The following CAMK1D variants were observed in gnomAD, a reference collection of about 807,000 sequenced individuals.
CAMK1D encodes the protein calcium/calmodulin-dependent protein kinase type 1D.
A neutral mutation model predicts 47.7 loss-of-function variants in CAMK1D; 9 were observed. The observed-to-expected ratio is 0.19, with a 90% CI of 0.11 to 0.33. The LOEUF is 0.33. CAMK1D is among the 10% of genes least tolerant of loss of function. CAMK1D has a pLI of 1.00. For synonymous variants in CAMK1D, 184 were observed against 184.9 expected (o/e 0.99, Z 0.04); for missense variants, 291 against 488.7 (o/e 0.60, Z 3.81).
At chr10:12,575,219 A>G (rs1837456904) in intron 2 of CAMK1D, among the ~76,000 whole-genome samples, 1 of 152,048 alleles carries the variant, frequency 6.6e-6, no homozygotes, top group Non-Finnish European at 1.5e-5. Context: ...CAGCCTCGCA[A>G]GTAGCTGAGA....
At chr10:12,564,558 A>G (rs1837063573) in intron 2 of CAMK1D, among the ~76,000 whole-genome samples, 1 of 152,182 alleles carries the variant, frequency 6.6e-6, no homozygotes, top group African/African-American at 2.4e-5. Context: ...TCAAAGCTTA[A>G]AGTTGAGGTC....
chr10:12,497,257 T>C (rs1464596936), intron 1 of CAMK1D, among the ~76,000 whole-genome samples: 2 of 151,988 alleles, frequency 1.3e-5, no homozygotes, highest in African/African-American at 2.4e-5. Context: ...AGCCGGAGGA[T>C]CACGAGATCA....
intron 1 of CAMK1D, among the ~76,000 whole-genome samples, chr10:12,455,155 C>G (rs534958016): frequency 4.6e-5 from 7 of 152,278 alleles, no homozygotes; most frequent in South Asian, 2.1e-4. Context: ...ATTTCCCAAA[C>G]CAATGGCTGG....
At chr10:12,723,121 C>G (rs1382096455) in intron 3 of CAMK1D, among the ~76,000 whole-genome samples, 1 of 152,104 alleles carries the variant, frequency 6.6e-6, no homozygotes, top group African/African-American at 2.4e-5. Context: ...AGGCAGTGGG[C>G]TTGTGTATTG....
intron 1 of CAMK1D, among the ~76,000 whole-genome samples, chr10:12,538,730 A>G (rs575194618): frequency 6.6e-6 from 1 of 152,210 alleles, no homozygotes; most frequent in East Asian, 1.9e-4. Context: ...AGTACTGTGC[A>G]GAAAACAAAC....
intron 1 of CAMK1D, among the ~76,000 whole-genome samples, chr10:12,476,670 T>G (rs1833912596): frequency 6.6e-6 from 1 of 152,160 alleles, no homozygotes. Context: ...GTTTCGAAGG[T>G]GACAGATGAA....
chr10:12,822,137 G>T (rs1360843320), intron 8 of CAMK1D, among the ~76,000 whole-genome samples: 1 of 152,208 alleles, frequency 6.6e-6, no homozygotes, highest in African/African-American at 2.4e-5. Flanking sequence ...CTCTGGTTTT[G>T]TTGGCGAAGC....
At chr10:12,648,730 C>T (rs990676085) in intron 2 of CAMK1D, among the ~76,000 whole-genome samples, 9 of 152,088 alleles carry the variant, frequency 5.9e-5, no homozygotes, top group Non-Finnish European at 8.8e-5. Context: ...CTCAGCCTCC[C>T]GAAGTGCTGG....
chr10:12,813,658 C>A (rs535402304), intron 6 of CAMK1D, among the ~76,000 whole-genome samples: 1 of 151,680 alleles, frequency 6.6e-6, no homozygotes. Flanking sequence ...TTTATTAAAT[C>A]GCAGTTTTAC....
chr10:12,453,098 CA>C, intron 1 of CAMK1D, among the ~76,000 whole-genome samples: 1 of 152,212 alleles, frequency 6.6e-6, no homozygotes, highest in African/African-American at 2.4e-5. Context: ...GTGGATTCGT[CA>C]ATATTTGCCT....
chr10:12,802,681 T>C (rs931345715), intron 6 of CAMK1D, among the ~76,000 whole-genome samples: 1 of 152,156 alleles, frequency 6.6e-6, no homozygotes, highest in East Asian at 1.9e-4. Flanking sequence ...CCACCACGCC[T>C]GGCCAATTTT....
At chr10:12,427,700 G>GTTTTTTTGT (rs1290974363) in intron 1 of CAMK1D, among the ~76,000 whole-genome samples, 1 of 31,030 alleles carries the variant, frequency 3.2e-5, no homozygotes, top group Non-Finnish European at 6.2e-5. Flanking sequence ...TGAACTTACT[G>GTTTTTTTGT]TTTTTTTTTT....
chr10:12,781,993 G>A (rs1279452116), intron 5 of CAMK1D, among the ~76,000 whole-genome samples: 8 of 68,946 alleles, frequency 1.2e-4, no homozygotes, highest in African/African-American at 4.7e-4. Flanking sequence ...TTTTTTTTTT[G>A]CCATCCTGAT....
intron 1 of CAMK1D, among the ~76,000 whole-genome samples, chr10:12,437,136 A>ACTAT (rs71384328): frequency 0.89 from 133,889 of 150,840 alleles, 60,381 homozygotes; most frequent in Non-Finnish European, 0.97. Context: ...AAACAGACCG[A>ACTAT]CTATCTATCT....
At chr10:12,380,824 T>C (rs921664773) in intron 1 of CAMK1D, among the ~76,000 whole-genome samples, 2 of 152,122 alleles carry the variant, frequency 1.3e-5, no homozygotes, top group African/African-American at 4.8e-5. Flanking sequence ...CCACTGCACT[T>C]CAGCCTGGGC....
chr10:12,601,193 GTTT>G lies in CAMK1D; in HGVS notation c.224+47851_224+47853del, dbSNP rs770880351. ...GATAGTTTTTTTTTTTTGTTTGTTT[GTTT>G]TTTTTTTTTTTTTGCTCAGAGATTA... On this transcript the variant is annotated intron_variant, in intron 2 of 10. Coordinates refer to ENST00000619168, the MANE Select transcript of CAMK1D (RefSeq NM_153498.4). Among the ~76,000 whole-genome samples, 363 of 43,952 alleles carry G rather than the reference GTTT, an allele frequency of 8.3e-3. 2 individuals are homozygous for G. Among genetic ancestry groups the G allele is most frequent in the Non-Finnish European group, 0.016 (254 of 15,780 alleles). 28.8% of individuals were successfully genotyped at this position (43,952 alleles called of 152,430 possible).
intron 3 of CAMK1D, among the ~76,000 whole-genome samples, chr10:12,726,148 G>A (rs1834622684): frequency 1.3e-5 from 2 of 152,014 alleles, no homozygotes; most frequent in South Asian, 2.1e-4. Flanking sequence ...ATACTGGGCC[G>A]GGTGCAGTGG....
intron 1 of CAMK1D, among the ~76,000 whole-genome samples, chr10:12,449,023 G>A (rs1372289871): frequency 1.3e-5 from 2 of 152,176 alleles, no homozygotes; most frequent in African/African-American, 4.8e-5. Context: ...TACACAGCAA[G>A]CGGTTTGTGA....
intron 3 of CAMK1D, among the ~76,000 whole-genome samples, chr10:12,714,673 C>A (rs1454421901): frequency 6.6e-6 from 1 of 151,884 alleles, no homozygotes; most frequent in Non-Finnish European, 1.5e-5. Context: ...GAGCCGAGAT[C>A]ACGCCACTGC....
Sources: allele counts gnomAD v4.1 joint callset (sites outside exome capture counted in the v4.1 genomes callset), GRCh38; gene constraint gnomAD v4.1.1; transcripts MANE v1.5; gene names NCBI Gene and HGNC (gene_info 2026-07-23, HGNC 2026-07-21).